Variants in GAL3ST3 observed in about 807,000 individuals in gnomAD.
The protein encoded by GAL3ST3 is galactose-3-O-sulfotransferase 3, also known as beta-galactose-3-O-sulfotransferase 3.
In GAL3ST3, 21 loss-of-function variants were observed where a neutral mutation model predicts 20.8. The ratio of observed to expected loss-of-function variants is 1.01; its 90% CI spans 0.72 to 1.45. The LOEUF (loss-of-function observed/expected upper bound fraction) is 1.45, where lower values mean the gene tolerates loss of function less well. Among genes scored for constraint, GAL3ST3 ranks in the 40% most tolerant of loss-of-function variants. GAL3ST3 has a pLI of 0.00. For missense variants in GAL3ST3, 739 were observed against 662.7 expected, an observed-to-expected ratio of 1.12 and a Z score of -1.26; for synonymous variants, 355 against 307.2, an observed-to-expected ratio of 1.16 and a Z score of -1.63.
chr11:66,043,370 T>C lies in GAL3ST3; in HGVS notation c.433A>G (p.Thr145Ala). Residue 145 changes from threonine (T) to alanine (A), a missense_variant, in exon 3 of 3, where the codon ACC (threonine) becomes GCC (alanine). Physicochemically the swap from Thr to Ala is moderately conservative, Grantham distance 58. Transcript: ENST00000312006. ...AELERLMPPS[T>A]VYVTILREPA... ...TCGCGCAGGATGGTGACATAGACGGTGCTGGGCGGCATGAGGCGCTCCAGC... is the reference window on the plus strand; with the variant it reads ...TCGCGCAGGATGGTGACATAGACGGCGCTGGGCGGCATGAGGCGCTCCAGC... 6.2e-7 allele frequency: 1 copy of C among 1,610,234 alleles called. No individual in the cohort carries two copies. The highest frequency in any genetic ancestry group is 8.5e-7 in the Non-Finnish European group (1 of 1,178,654).
At chr11:66,045,222 C>G in intron 2 of GAL3ST3, 69 bp downstream of exon 2, 1 of 1,352,306 alleles carries the variant, frequency 7.4e-7, no homozygotes, top group Non-Finnish European at 9.8e-7. Flanking sequence ...CAAAGCCTAG[C>G]AGGACCCTTC....
rs1856711978 is a variant in GAL3ST3 at position 66,042,212 on chromosome 11, A to T, written c.*295T>A. 1.9e-5 allele frequency: 6 copies of T among 314,620 alleles called. No individual in the cohort carries two copies. Among genetic ancestry groups the T allele is most frequent in the East Asian group, 5.2e-5 (1 of 19,126 alleles). 19.5% of individuals were successfully genotyped at this position (314,620 alleles called of 1,614,324 possible). On this transcript the variant is annotated 3_prime_UTR_variant, in exon 3 of 3. Transcript: ENST00000312006. ...TTGTGGGGGCTCAGCCCCCAGAAAA[A>T]GGCAGGGTGAGCAGTTCTGGACAGC...
In GAL3ST3 at chr11:66,042,963, G is replaced by T; in HGVS notation, c.840C>A (p.Pro280=). The T allele has an allele frequency of 6.7e-7, 1 of 1,487,408 alleles. No individual in the cohort carries two copies. Among genetic ancestry groups the T allele is most frequent in the Non-Finnish European group, 8.9e-7 (1 of 1,123,898 alleles). 92.1% of individuals were successfully genotyped at this position (1,487,408 alleles called of 1,614,324 possible). A position where few individuals can be genotyped will look rare whatever the true frequency, so the allele number is the denominator to read the frequency against. The change falls in exon 3 of 3, where the codon CCC becomes CCA. Residue 280 remains proline, a synonymous_variant. Coordinates refer to ENST00000312006, the MANE Select transcript of GAL3ST3 (RefSeq NM_033036.3). ...RAASSRLAAI[P]AALARAARTW... is the part of the protein sequence containing the mutation. ...TGCGCGCCGCCCGCGCCAGCGCCGCGGGGATGGCGGCCAGGCGCGAGCTGG... is the reference window on the plus strand; with the variant it reads ...TGCGCGCCGCCCGCGCCAGCGCCGCTGGGATGGCGGCCAGGCGCGAGCTGG...
At chr11:66,046,251 CTG>C (rs1856781965) in intron 1 of GAL3ST3, among the ~76,000 whole-genome samples, 2 of 152,200 alleles carry the variant, frequency 1.3e-5, no homozygotes, top group Non-Finnish European at 2.9e-5. Flanking sequence ...TATGCTATTT[CTG>C]TAGAGAACTG....
rs1433790903 is a variant in GAL3ST3 at position 66,043,348 on chromosome 11, C to T, written c.455G>A (p.Arg152His). The change falls in exon 3 of 3, where the codon CGC (arginine) becomes CAC (histidine). Residue 152 changes from arginine to histidine, a missense_variant. Coordinates refer to ENST00000312006, the MANE Select transcript of GAL3ST3 (RefSeq NM_033036.3). ...PPSTVYVTIL[R>H]EPAAMFESLF... ...CGACTCGAACATGGCGGCCGGCTCGCGCAGGATGGTGACATAGACGGTGCT... is the reference window on the plus strand; with the variant it reads ...CGACTCGAACATGGCGGCCGGCTCGTGCAGGATGGTGACATAGACGGTGCT... 5 of 1,609,818 alleles carry T rather than the reference C, an allele frequency of 3.1e-6. No homozygotes were observed. The highest frequency in any genetic ancestry group is 4.2e-6 in the Non-Finnish European group (5 of 1,178,460).
chr11:66,043,158 GCGCTCA>G lies in GAL3ST3; in HGVS notation c.639_644del (p.Glu214_Arg215del). The G allele has an allele frequency of 6.2e-7, 1 of 1,611,886 alleles. No homozygotes were observed. Among genetic ancestry groups the G allele is most frequent in the Non-Finnish European group, 8.5e-7 (1 of 1,179,340 alleles). ...GGTAGGCGGCGTCGTCGCGCGGGCTGCGCTCATTGTCGCCGCCCAGGTCGTAGGCCA... is the reference window on the plus strand; with the variant it reads ...GGTAGGCGGCGTCGTCGCGCGGGCTGTTGTCGCCGCCCAGGTCGTAGGCCA... On this transcript the variant is annotated inframe_deletion, in exon 3 of 3. Transcript: ENST00000312006.
Position 66,043,012 on chromosome 11 carries a change from T to A in GAL3ST3, c.791A>T (p.Tyr264Phe). The A allele has an allele frequency of 6.2e-7, 1 of 1,608,018 alleles. No individual in the cohort carries two copies. The highest frequency in any genetic ancestry group is 8.5e-7 in the Non-Finnish European group (1 of 1,178,508). ...GGCGGCGCGCGCGTTGAGCTTGGCG[T>A]AGAGCACGTCGTCCAGGTCCCAGGC... Reference protein sequence around the residue: ...LLAWDLDDVLYAKLNARAASS... With the variant: ...LLAWDLDDVLFAKLNARAASS... The change falls in exon 3 of 3, where the codon TAC becomes TTC. Residue 264 changes from tyrosine (Y) to phenylalanine (F), a missense_variant. Tyr to Phe is a conservative substitution (Grantham distance 22, BLOSUM62 3). Transcript: ENST00000312006.
At chr11:66,043,719 G>A in intron 2 of GAL3ST3, 42 bp from the exon 3 acceptor site, 1 of 1,523,516 alleles carries the variant, frequency 6.6e-7, no homozygotes, top group African/African-American at 1.4e-5. Context: ...GGTGTGAGGG[G>A]GCTGCCGCTT....
chr11:66,046,888 T>C lies in GAL3ST3; in HGVS notation c.-112-1361A>G, dbSNP rs563317419. ...GGTAATATGAAAACCCTTTTGATCA[T>C]CACCTTTTCTGGGAGCCCTGGGCTT... On this transcript the variant is annotated intron_variant, in intron 1 of 2. Coordinates refer to ENST00000312006, the MANE Select transcript of GAL3ST3 (RefSeq NM_033036.3). Among the ~76,000 whole-genome samples the C allele has an allele frequency of 3.1e-4, 47 of 152,302 alleles. No individual in the cohort carries two copies. In the South Asian group the frequency reaches 8.5e-3, roughly 28 times the overall value.
At chr11:66,045,254 G>C in intron 2 of GAL3ST3, 37 bp downstream of exon 2, 1 of 1,474,664 alleles carries the variant, frequency 6.8e-7, no homozygotes, top group Non-Finnish European at 9.0e-7. Flanking sequence ...AGAATGGGGA[G>C]GGGAGCTCCG....
chr11:66,043,321 A>G lies in GAL3ST3; in HGVS notation c.482T>C (p.Leu161Pro). 6.2e-7 allele frequency: 1 copy of G among 1,612,260 alleles called. No individual in the cohort carries two copies. Among genetic ancestry groups the G allele is most frequent in the Non-Finnish European group, 8.5e-7 (1 of 1,179,284 alleles). Residue 161 changes from leucine to proline, a missense_variant, in exon 3 of 3, where the codon CTC becomes CCC. Transcript: ENST00000312006. ...GCAGTACTGGTTGTAGTAGCTGAAG[A>G]GCGACTCGAACATGGCGGCCGGCTC... The part of the protein sequence containing the change: ...LREPAAMFES[L>P]FSYYNQYCPA...
At chr11:66,045,831 TC>T (rs981525318) in intron 1 of GAL3ST3, among the ~76,000 whole-genome samples, 2 of 152,186 alleles carry the variant, frequency 1.3e-5, no homozygotes, top group Non-Finnish European at 2.9e-5. Flanking sequence ...TGTACATGTC[TC>T]CCCAGTGGAG....
chr11:66,044,046 C>A (rs1856754865), intron 2 of GAL3ST3, among the ~76,000 whole-genome samples: 1 of 152,116 alleles, frequency 6.6e-6, no homozygotes, highest in African/African-American at 2.4e-5. Context: ...GGGAAGCAAG[C>A]TGCCATATAG....
In GAL3ST3 at chr11:66,045,378, TTGG is replaced by T. The variant is rs1856772211; in HGVS notation, c.35_37del (p.Thr12del). ...CAGGATTTTCCGGCGGCTCATCATC[TTGG>T]TGGCCTGCTGCAGGCGCTGGAGGAT... On this transcript the variant is annotated inframe_deletion, in exon 2 of 3. Coordinates refer to ENST00000312006, the MANE Select transcript of GAL3ST3 (RefSeq NM_033036.3). 3.7e-6 allele frequency: 6 copies of T among 1,605,348 alleles called. No individual in the cohort carries two copies. In the East Asian group the frequency reaches 6.8e-5, roughly 18 times the overall value.
At position 66,043,263 on chromosome 11, in the gene GAL3ST3, G is replaced by C; in HGVS notation, c.540C>G (p.Leu180=). Residue 180 remains leucine, a synonymous_variant, in exon 3 of 3, where the codon CTC becomes CTG. Coordinates refer to ENST00000312006, the MANE Select transcript of GAL3ST3 (RefSeq NM_033036.3). ...PAFRRVPNAS[L]EAFLRAPEAY... ...CCTCGGGCGCGCGCAGGAAGGCCTC[G>C]AGCGAGGCGTTGGGTACGCGCCGGA... 6.2e-7 allele frequency: 1 copy of C among 1,612,110 alleles called. No individual in the cohort carries two copies. Among genetic ancestry groups the C allele is most frequent in the Non-Finnish European group, 8.5e-7 (1 of 1,179,214 alleles).
Position 66,043,617 on chromosome 11 carries a change from C to T in GAL3ST3, c.186G>A (p.Lys62=), listed in dbSNP as rs1443020525. The stretch of plus-strand genomic sequence containing the variant: ...TCTTCAGGAAGGCCACAGTCATGTG[C>T]TTGGGGCGCGGCGGCGAGTTCCGCA... ...PPLRNSPPRP[K]HMTVAFLKTH... is the part of the protein sequence containing the mutation. Residue 62 remains lysine (K), a synonymous_variant, in exon 3 of 3, where the codon AAG becomes AAA. Coordinates refer to ENST00000312006, the MANE Select transcript of GAL3ST3 (RefSeq NM_033036.3). The T allele has an allele frequency of 2.5e-6, 4 of 1,612,384 alleles. No individual in the cohort carries two copies. The highest frequency in any genetic ancestry group is 2.5e-6 in the Non-Finnish European group (3 of 1,179,584).
Position 66,043,296 on chromosome 11 carries a change from G to A in GAL3ST3, c.507C>T (p.Cys169=), listed in dbSNP as rs1484863074. 8.1e-6 allele frequency: 13 copies of A among 1,612,162 alleles called. No individual in the cohort carries two copies. Among genetic ancestry groups the A allele is most frequent in the Non-Finnish European group, 9.3e-6 (11 of 1,179,222 alleles). The change falls in exon 3 of 3, where the codon TGC becomes TGT. Residue 169 remains cysteine, a synonymous_variant. Transcript: ENST00000312006. ...CGTTGGGTACGCGCCGGAAGGCCGG[G>A]CAGTACTGGTTGTAGTAGCTGAAGA... ...ESLFSYYNQY[C]PAFRRVPNAS... is the part of the protein sequence containing the mutation.
In GAL3ST3 at chr11:66,043,055, G is replaced by C; in HGVS notation, c.748C>G (p.Leu250Val). 1 of 1,611,400 alleles carries C rather than the reference G, an allele frequency of 6.2e-7. No individual in the cohort carries two copies. The highest frequency in any genetic ancestry group is 1.3e-5 in the African/African-American group (1 of 74,978). Residue 250 changes from leucine (L) to valine (V), a missense_variant, in exon 3 of 3, where the codon CTG (leucine) becomes GTG (valine). Physicochemically the swap from Leu to Val is conservative, Grantham distance 32 (BLOSUM62 1). Coordinates refer to ENST00000312006, the MANE Select transcript of GAL3ST3 (RefSeq NM_033036.3). ...IAEYFDESLVLLRRLLAWDLD... is the reference protein window; with the variant it reads ...IAEYFDESLVVLRRLLAWDLD... Reference sequence around the variant, plus strand: ...TCCCAGGCCAGTAGGCGCCGCAGCAGCACTAGCGACTCGTCGAAGTACTCG... The same window carrying C: ...TCCCAGGCCAGTAGGCGCCGCAGCACCACTAGCGACTCGTCGAAGTACTCG...
chr11:66,041,947 A>T lies in GAL3ST3; in HGVS notation c.*560T>A, dbSNP rs1856709247. On this transcript the variant is annotated 3_prime_UTR_variant, in exon 3 of 3. Coordinates refer to ENST00000312006, the MANE Select transcript of GAL3ST3 (RefSeq NM_033036.3). ...ATCCGGCTTCTATGACTGACATACA[A>T]CTCGCACATTTTAAAGATGTTTTAT... 6.6e-6 allele frequency: 1 copy of T among 152,210 alleles called. No individual in the cohort carries two copies. The highest frequency in any genetic ancestry group is 2.1e-4 in the South Asian group (1 of 4,822). The allele number at this position is 152,210 out of a possible 1,614,324, so 9.4% of individuals were successfully genotyped here. A position where few individuals can be genotyped will look rare whatever the true frequency, so the allele number is the denominator to read the frequency against.
Sources: gnomAD v4.1 joint callset for allele counts (sites outside exome capture counted in the v4.1 genomes callset) on GRCh38, gnomAD v4.1.1 for gene constraint, MANE v1.5 for transcripts, NCBI Gene and HGNC (gene_info 2026-07-23, HGNC 2026-07-21) for gene names.